Variants in AAK1 observed in about 807,000 individuals in gnomAD.
AAK1 encodes AP2 associated kinase 1.
Under a neutral mutation model 116.0 loss-of-function variants are expected in AAK1, and 37 were observed. The ratio of observed to expected loss-of-function variants is 0.32; its 90% CI spans 0.25 to 0.42. The LOEUF is 0.42. Ranked by LOEUF, AAK1 falls within the 10% of genes least tolerant of loss-of-function variation. The pLI is 1.00. For synonymous variants in AAK1, 458 were observed against 439.9 expected (o/e 1.04, Z -0.51); for missense variants, 919 against 1,170.6 (o/e 0.79, Z 3.14).
chr2:69,583,126 T>C (rs2105147619), intron 2 of AAK1, among the ~76,000 whole-genome samples: 1 of 152,320 alleles, frequency 6.6e-6, no homozygotes, highest in Middle Eastern at 3.4e-3. Context: ...GTCACTATAC[T>C]TCACTGGCCC....
rs1227495006 is a variant in AAK1 at position 69,475,932 on chromosome 2, A to AC, written c.2822_2823insG (p.Glu942Ter). On this transcript the variant is annotated frameshift_variant, in exon 22 of 22. Transcript: ENST00000409085. LOFTEE classifies it high-confidence loss of function. ...TGGCTAGGTTGGGAAGACTGGACTC[A>AC]GAGCTCCCACTGCTGTTTCTAGAGT... 6.2e-7 allele frequency: 1 copy of AC among 1,612,636 alleles called. No homozygotes were observed. The highest frequency in any genetic ancestry group is 1.7e-5 in the Admixed American group (1 of 59,852).
intron 2 of AAK1, among the ~76,000 whole-genome samples, chr2:69,605,378 G>C (rs1673755539): frequency 6.6e-6 from 1 of 152,146 alleles, no homozygotes; most frequent in Non-Finnish European, 1.5e-5. Context: ...TGGTAAACTA[G>C]TGGAAACCCT....
intron 16 of AAK1, among the ~76,000 whole-genome samples, chr2:69,501,708 C>G (rs1466931171): frequency 6.6e-6 from 1 of 152,202 alleles, no homozygotes; most frequent in Non-Finnish European, 1.5e-5. Flanking sequence ...AGGTGGCTCA[C>G]GCCTGTAATC....
chr2:69,469,397 T>C lies in AAK1; in HGVS notation c.*6472A>G, dbSNP rs1674600643. 1.0e-6 allele frequency: 1 copy of C among 985,338 alleles called. No homozygotes were observed. Among genetic ancestry groups the C allele is most frequent in the African/African-American group, 1.7e-5 (1 of 57,250 alleles). 61.0% of individuals were successfully genotyped at this position (985,338 alleles called of 1,614,324 possible). ...TCTTGTTGGCAGATAAAAGTCTTTT[T>C]TTGAGTATGTGAATGTGTTCTTACA... On this transcript the variant is annotated 3_prime_UTR_variant, in exon 22 of 22. Coordinates refer to ENST00000409085, the MANE Select transcript of AAK1 (RefSeq NM_014911.5).
chr2:69,550,260 C>T (rs1671119612), intron 3 of AAK1, among the ~76,000 whole-genome samples: 1 of 152,176 alleles, frequency 6.6e-6, no homozygotes, highest in African/African-American at 2.4e-5. Context: ...CCTGAAGGCT[C>T]TCTGGACCTC....
intron 16 of AAK1, among the ~76,000 whole-genome samples, chr2:69,499,330 A>G (rs1675879179): frequency 6.6e-6 from 1 of 151,764 alleles, no homozygotes; most frequent in South Asian, 2.1e-4. Flanking sequence ...TGGACCTTCA[A>G]CCTTCTTCTA....
intron 10 of AAK1, among the ~76,000 whole-genome samples, chr2:69,523,206 C>G (rs1669865655): frequency 6.6e-6 from 1 of 152,188 alleles, no homozygotes; most frequent in Non-Finnish European, 1.5e-5. Context: ...TGCTTACCCT[C>G]TGCACATATC....
chr2:69,544,640 G>A, intron 3 of AAK1, 96 bp from the exon 4 acceptor site: 1 of 876,840 alleles, frequency 1.1e-6, no homozygotes, highest in Non-Finnish European at 1.8e-6. Flanking sequence ...TTTAAATACA[G>A]AGATGATACA....
chr2:69,487,541 AAGTGAC>A (rs1675344186), intron 17 of AAK1, among the ~76,000 whole-genome samples: 1 of 152,158 alleles, frequency 6.6e-6, no homozygotes, highest in African/African-American at 2.4e-5. Context: ...GAGTTATGAG[AAGTGAC>A]TTCTTTGGAT....
intron 5 of AAK1, among the ~76,000 whole-genome samples, chr2:69,541,193 G>C (rs1057117319): frequency 1.3e-5 from 2 of 149,216 alleles, no homozygotes; most frequent in Non-Finnish European, 3.0e-5. Flanking sequence ...ACACAACTTT[G>C]TAAGTATACT....
Position 69,601,491 on chromosome 2 carries a change from G to A in AAK1, c.163+41387C>T, listed in dbSNP as rs948639098. Among the ~76,000 whole-genome samples, 4 of 152,302 alleles carry A rather than the reference G, an allele frequency of 2.6e-5. No homozygotes were observed. The South Asian group carries it at 6.2e-4, about 24-fold the overall frequency. On this transcript the variant is annotated intron_variant, in intron 2 of 21. Transcript: ENST00000409085. Reference sequence around the variant, plus strand: ...GAGCCAAAGATAGAACAGAGCCATCGGCCAAAGCCCCAAGGGGCACTTATG... The same window carrying A: ...GAGCCAAAGATAGAACAGAGCCATCAGCCAAAGCCCCAAGGGGCACTTATG...
At chr2:69,606,919 A>G (rs573559051) in intron 2 of AAK1, among the ~76,000 whole-genome samples, 1 of 152,130 alleles carries the variant, frequency 6.6e-6, no homozygotes, top group Admixed American at 6.5e-5. Flanking sequence ...TACAGAAATT[A>G]GCCGGGCGTG....
intron 2 of AAK1, among the ~76,000 whole-genome samples, chr2:69,612,185 T>C (rs1674117157): frequency 6.6e-6 from 1 of 152,210 alleles, no homozygotes; most frequent in Non-Finnish European, 1.5e-5. Flanking sequence ...AATATATGGA[T>C]TAAAGTATTT....
chr2:69,572,699 C>T (rs1297051535), intron 2 of AAK1, among the ~76,000 whole-genome samples: 1 of 151,450 alleles, frequency 6.6e-6, no homozygotes, highest in African/African-American at 2.4e-5. Flanking sequence ...TTAAATTCTG[C>T]ACTTGAGGCG....
intron 2 of AAK1, among the ~76,000 whole-genome samples, chr2:69,596,507 C>A (rs908622970): frequency 6.6e-6 from 1 of 152,164 alleles, no homozygotes; most frequent in Admixed American, 6.5e-5. Context: ...CAGGTGTGGG[C>A]CACCATGCCC....
intron 2 of AAK1, among the ~76,000 whole-genome samples, chr2:69,586,653 C>T (rs1247357114): frequency 2.0e-5 from 3 of 152,034 alleles, no homozygotes; most frequent in African/African-American, 7.2e-5. Flanking sequence ...CTTCTGAGAT[C>T]TCTGGGCCTT....
In AAK1 at chr2:69,642,938, T is replaced by G; in HGVS notation, c.103A>C (p.Ile35Leu). 6.2e-7 allele frequency: 1 copy of G among 1,613,942 alleles called. No individual in the cohort carries two copies. Among genetic ancestry groups the G allele is most frequent in the Non-Finnish European group, 8.5e-7 (1 of 1,179,892 alleles). Residue 35 changes from isoleucine to leucine, a missense_variant, in exon 2 of 22, where the codon ATC becomes CTC. Around this residue, in one of 4 missense-constraint regions of AAK1, gnomAD observed 317 missense variants for 490.4 expected, o/e 0.65. Transcript: ENST00000409085. ...CGCCCGATGCCGAAGACTCTTCCGA[T>G]GTAGCCACTGCCCAGGCCCGAGGTG... is the stretch of plus-strand genomic sequence containing the variant. ...GSTSGLGSGY[I>L]GRVFGIGRQQ...
chr2:69,551,349 C>A (rs1671176171), intron 3 of AAK1, among the ~76,000 whole-genome samples: 1 of 152,112 alleles, frequency 6.6e-6, no homozygotes, highest in South Asian at 2.1e-4. Context: ...CACACATTTA[C>A]CTATGTAACA....
At chr2:69,563,301 C>A (rs996235482) in intron 2 of AAK1, among the ~76,000 whole-genome samples, 5 of 151,978 alleles carry the variant, frequency 3.3e-5, no homozygotes, top group African/African-American at 1.2e-4. Flanking sequence ...GTAAGGTGAG[C>A]AGGAAGAGGA....
Sources: allele counts gnomAD v4.1 joint callset (sites outside exome capture counted in the v4.1 genomes callset), GRCh38; gene constraint gnomAD v4.1.1; regional missense constraint gnomAD v4.1.1; transcripts MANE v1.5; gene names NCBI Gene and HGNC (gene_info 2026-07-23, HGNC 2026-07-21).